The following TRIM14 variants were observed in gnomAD, a reference collection of about 807,000 sequenced individuals.
The protein encoded by TRIM14 is tripartite motif containing 14, also known as tripartite motif-containing protein 14.
In TRIM14, 28 loss-of-function variants were observed where a neutral mutation model predicts 44.5. The ratio of observed to expected loss-of-function variants is 0.63; its 90% CI spans 0.47 to 0.86. TRIM14 has a LOEUF of 0.86. Among genes scored for constraint, TRIM14 ranks in the 40% least tolerant of loss-of-function variants. The pLI is 0.00. For missense variants in TRIM14, 607 were observed against 611.1 expected, an observed-to-expected ratio of 0.99 and a Z score of 0.07; for synonymous variants, 299 against 269.2, an observed-to-expected ratio of 1.11 and a Z score of -1.08.
chr9:98,112,797 C>CAA (rs34150823), intron 1 of TRIM14, among the ~76,000 whole-genome samples: 18 of 68,342 alleles, frequency 2.6e-4, no homozygotes, highest in Admixed American at 7.5e-4. Context: ...GACTCAATCT[C>CAA]AAAAAAAAAA....
At chr9:98,059,977 T>C in the TRIM14 span, among the ~76,000 whole-genome samples, 1 of 152,196 alleles carries the variant, frequency 6.6e-6, no homozygotes, top group East Asian at 1.9e-4. Context: ...AGGGCCTCAT[T>C]AGGACAGTTT....
At position 98,095,116 on chromosome 9, in the gene TRIM14, A is replaced by C. The variant is rs1443225544; in HGVS notation, c.538-87T>G. The stretch of plus-strand genomic sequence containing the variant: ...GTGCTGCACCCAGGAACAAACCCAC[A>C]CCAGCATGCCCAGGCTCCACGTTGG... On this transcript the variant is annotated intron_variant, in intron 3 of 5. Transcript: ENST00000341469. This position sits in a 1 kb window ranked among gnomAD's most constrained non-coding sequence, Gnocchi z 4.1. 2 of 1,485,400 alleles carry C rather than the reference A, an allele frequency of 1.3e-6. No individual in the cohort carries two copies. Among genetic ancestry groups the C allele is most frequent in the Non-Finnish European group, 1.8e-6 (2 of 1,114,562 alleles). 92.0% of individuals were successfully genotyped at this position (1,485,400 alleles called of 1,614,324 possible). A position where few individuals can be genotyped will look rare whatever the true frequency, so the allele number is the denominator to read the frequency against.
chr9:98,108,740 A>C (rs1826720042), intron 2 of TRIM14, among the ~76,000 whole-genome samples: 1 of 151,084 alleles, frequency 6.6e-6, no homozygotes, highest in South Asian at 2.1e-4. Flanking sequence ...AACTGTCATG[A>C]AGACAACTGA....
chr9:98,057,829 GTTTA>G, the TRIM14 span, among the ~76,000 whole-genome samples: 1 of 124,102 alleles, frequency 8.1e-6, no homozygotes, highest in Admixed American at 8.8e-5. Flanking sequence ...TTTTTTAAAT[GTTTA>G]TTTATTTATT....
Position 98,087,816 on chromosome 9 carries a change from A to G in TRIM14, c.983T>C (p.Val328Ala). The G allele has an allele frequency of 1.3e-6, 2 of 1,528,182 alleles. No homozygotes were observed. The highest frequency in any genetic ancestry group is 1.7e-6 in the Non-Finnish European group (2 of 1,149,410). The allele number at this position is 1,528,182 out of a possible 1,614,324, so 94.7% of individuals were successfully genotyped here. The change falls in exon 6 of 6, where the codon GTG (valine) becomes GCG (alanine). Residue 328 changes from valine (V) to alanine (A), a missense_variant. Around this residue, in one of 3 missense-constraint regions of TRIM14, gnomAD observed 356 missense variants for 323.0 expected, o/e 1.10. Coordinates refer to ENST00000341469, the MANE Select transcript of TRIM14 (RefSeq NM_014788.4). ...ATGRHYWEVD[V>A]QEAGAGWWVG... is the part of the protein sequence containing the mutation. Reference sequence around the variant, plus strand: ...CCACCAGCCGGCGCCCGCCTCCTGCACGTCAACCTCCCAGTAGTGGCGGCC... The same window carrying G: ...CCACCAGCCGGCGCCCGCCTCCTGCGCGTCAACCTCCCAGTAGTGGCGGCC...
intron 2 of TRIM14, among the ~76,000 whole-genome samples, chr9:98,102,460 A>C (rs1826434094): frequency 6.6e-6 from 1 of 152,224 alleles, no homozygotes. Context: ...TCATTATATA[A>C]ATTGTCCTAC....
At chr9:98,065,113 C>G (rs1168932571), downstream of TRIM14, among the ~76,000 whole-genome samples, 1 of 152,124 alleles carries the variant, frequency 6.6e-6, no homozygotes, top group African/African-American at 2.4e-5. Context: ...AGGAATAGGT[C>G]TTGTAAGTAT....
At chr9:98,091,888 C>T in intron 5 of TRIM14, 21 bp downstream of exon 5, 1 of 1,560,604 alleles carries the variant, frequency 6.4e-7, no homozygotes, top group South Asian at 1.2e-5. Context: ...TCCACCCTAT[C>T]CCCACTCCCG....
chr9:98,092,544 A>G (rs1275623492), intron 4 of TRIM14: 2 of 373,540 alleles, frequency 5.4e-6, no homozygotes, highest in South Asian at 1.9e-5. Flanking sequence ...CACTCATCAC[A>G]GGGGCCTGTA....
chr9:98,076,564 G>A (rs1227014233), intron 6 of TRIM14: 1 of 210,192 alleles, frequency 4.8e-6, no homozygotes, highest in Non-Finnish European at 9.5e-6. Context: ...TAGTAGAGAC[G>A]GGGTTTCACC....
the TRIM14 span, among the ~76,000 whole-genome samples, chr9:98,046,977 C>T: frequency 6.6e-6 from 1 of 152,066 alleles, no homozygotes; most frequent in Non-Finnish European, 1.5e-5. Context: ...CCTTTGTGAC[C>T]AAAAAGTGAC....
At chr9:98,039,026 G>A in the TRIM14 span, among the ~76,000 whole-genome samples, 1 of 151,860 alleles carries the variant, frequency 6.6e-6, no homozygotes, top group South Asian at 2.1e-4. Flanking sequence ...CCCCAGCCTG[G>A]CGACAGAGAG....
At chr9:98,104,807 G>A (rs1255748616) in intron 2 of TRIM14, among the ~76,000 whole-genome samples, 1 of 152,202 alleles carries the variant, frequency 6.6e-6, no homozygotes, top group Non-Finnish European at 1.5e-5. Context: ...GGGCTGCTGT[G>A]TGAATCCACC....
chr9:98,099,883 A>T (rs1468100419), intron 3 of TRIM14, 48 bp downstream of exon 3: 3 of 1,532,780 alleles, frequency 2.0e-6, no homozygotes, highest in Non-Finnish European at 1.8e-6. Flanking sequence ...CTTGAGATGA[A>T]GTGTGGGTGG....
chr9:98,080,806 C>T (rs1383927365), downstream of TRIM14: 2 of 1,554,900 alleles, frequency 1.3e-6, no homozygotes, highest in South Asian at 1.2e-5. Flanking sequence ...TTTCTTTTTC[C>T]ATTTTAAAGG....
At chr9:98,059,319 G>A in the TRIM14 span, among the ~76,000 whole-genome samples, 4 of 152,090 alleles carry the variant, frequency 2.6e-5, no homozygotes, top group Non-Finnish European at 5.9e-5. Flanking sequence ...CACTGCGCCC[G>A]GCAGCCAAGA....
intron 3 of TRIM14, among the ~76,000 whole-genome samples, chr9:98,099,452 CAAAAAAAAAAA>C (rs768209860): frequency 5.4e-5 from 2 of 36,828 alleles, no homozygotes; most frequent in South Asian, 8.4e-4. Flanking sequence ...AACTCCATCT[CAAAAAAAAAAA>C]AAAAAAAAAA....
chr9:98,063,118 G>A, the TRIM14 span, among the ~76,000 whole-genome samples: 1 of 151,780 alleles, frequency 6.6e-6, no homozygotes, highest in East Asian at 1.9e-4. Context: ...AGTGGAGACA[G>A]GGTTTCACCA....
At chr9:98,108,123 C>T (rs1162322001) in intron 2 of TRIM14, among the ~76,000 whole-genome samples, 2 of 136,738 alleles carry the variant, frequency 1.5e-5, no homozygotes, top group East Asian at 4.3e-4. Context: ...AGTTATGTAA[C>T]AAGTAACCCT....
Sources: allele counts gnomAD v4.1 joint callset (sites outside exome capture counted in the v4.1 genomes callset), GRCh38; gene constraint gnomAD v4.1.1; regional missense constraint gnomAD v4.1.1; non-coding constraint Gnocchi (gnomAD v3.1); transcripts MANE v1.5; gene names NCBI Gene and HGNC (gene_info 2026-07-23, HGNC 2026-07-21).